GALNT13: variants seen among roughly 807,000 people sequenced by gnomAD.
The protein encoded by GALNT13 is polypeptide N-acetylgalactosaminyltransferase 13.
In GALNT13, 28 loss-of-function variants were observed where a neutral mutation model predicts 64.2. The observed-to-expected ratio is 0.44, with a 90% CI of 0.32 to 0.60. The LOEUF (loss-of-function observed/expected upper bound fraction) is 0.60. Ranked by LOEUF, GALNT13 falls within the 20% of genes least tolerant of loss-of-function variation. The pLI is 0.05. For missense variants in GALNT13, 577 were observed against 669.8 expected, an observed-to-expected ratio of 0.86 and a Z score of 1.53; for synonymous variants, 214 against 224.6, an observed-to-expected ratio of 0.95 and a Z score of 0.42.
chr2:153,345,707 T>G, the GALNT13 span, among the ~76,000 whole-genome samples: 6 of 93,900 alleles, frequency 6.4e-5, no homozygotes, highest in South Asian at 1.1e-3. Context: ...TTCTTTCTCT[T>G]TCTCTCTTTC....
intron 4 of GALNT13, among the ~76,000 whole-genome samples, chr2:154,148,092 C>G (rs899110366): frequency 1.3e-5 from 2 of 151,950 alleles, no homozygotes; most frequent in African/African-American, 4.8e-5. Context: ...CTCCCCACAA[C>G]AGTCCCCAGA....
intron 2 of GALNT13, among the ~76,000 whole-genome samples, chr2:153,912,068 A>G (rs1330716065): frequency 6.6e-6 from 1 of 152,062 alleles, no homozygotes; most frequent in East Asian, 1.9e-4. Flanking sequence ...CTCTTTATAT[A>G]ATCCCATATT....
At chr2:153,794,755 G>A in the GALNT13 span, among the ~76,000 whole-genome samples, 14 of 152,184 alleles carry the variant, frequency 9.2e-5, no homozygotes, top group African/African-American at 3.1e-4. Flanking sequence ...TCCTGACATC[G>A]TGATCCACCC....
the GALNT13 span, among the ~76,000 whole-genome samples, chr2:153,732,447 C>T: frequency 1.3e-5 from 2 of 151,950 alleles, no homozygotes; most frequent in Admixed American, 6.6e-5. Context: ...AGTTGATTCT[C>T]ATATGTGGTT....
chr2:154,288,167 C>T (rs1049855068), intron 8 of GALNT13, among the ~76,000 whole-genome samples: 5 of 152,092 alleles, frequency 3.3e-5, no homozygotes, highest in Admixed American at 2.6e-4. Context: ...CAGGAAAGAG[C>T]GCTTGTGTAG....
the GALNT13 span, among the ~76,000 whole-genome samples, chr2:153,856,392 A>G: frequency 6.6e-6 from 1 of 152,152 alleles, no homozygotes; most frequent in African/African-American, 2.4e-5. Flanking sequence ...TATTTTTAAC[A>G]CACGTGATCA....
At chr2:153,359,938 T>G in the GALNT13 span, among the ~76,000 whole-genome samples, 1 of 152,108 alleles carries the variant, frequency 6.6e-6, no homozygotes, top group Non-Finnish European at 1.5e-5. Context: ...AAAGCCTCGT[T>G]ATAGGTTCAC....
At chr2:153,878,902 T>C (rs1211235278) in intron 1 of GALNT13, among the ~76,000 whole-genome samples, 1 of 152,198 alleles carries the variant, frequency 6.6e-6, no homozygotes, top group Non-Finnish European at 1.5e-5. Flanking sequence ...TGTGGCTAAA[T>C]TGACCTAAGA....
the GALNT13 span, among the ~76,000 whole-genome samples, chr2:153,404,578 G>C: frequency 6.6e-6 from 1 of 151,572 alleles, no homozygotes. Flanking sequence ...CTATTATTAA[G>C]TAAAATTAAG....
At chr2:153,150,157 G>T in the GALNT13 span, among the ~76,000 whole-genome samples, 1 of 151,888 alleles carries the variant, frequency 6.6e-6, no homozygotes, top group Non-Finnish European at 1.5e-5. Flanking sequence ...AAGTCCTGAT[G>T]TACTATATTA....
At chr2:153,608,830 A>G in the GALNT13 span, among the ~76,000 whole-genome samples, 1 of 147,706 alleles carries the variant, frequency 6.8e-6, no homozygotes, top group Admixed American at 6.8e-5. Flanking sequence ...CTAAAGAATA[A>G]ATATATATTA....
intron 8 of GALNT13, among the ~76,000 whole-genome samples, chr2:154,299,075 T>G (rs1207569598): frequency 6.8e-6 from 1 of 148,146 alleles, no homozygotes; most frequent in Non-Finnish European, 1.5e-5. Context: ...AATATATATT[T>G]TATATTATTT....
chr2:153,127,472 G>A, the GALNT13 span, among the ~76,000 whole-genome samples: 13 of 152,010 alleles, frequency 8.6e-5, no homozygotes, highest in Admixed American at 2.6e-4. Flanking sequence ...CTTCCCCTCC[G>A]CACTTCTCCC....
At chr2:153,764,611 C>A in the GALNT13 span, among the ~76,000 whole-genome samples, 1 of 152,178 alleles carries the variant, frequency 6.6e-6, no homozygotes, top group African/African-American at 2.4e-5. Context: ...AAGAAAACCC[C>A]ATTTTCAGGG....
At chr2:153,794,877 AT>A in the GALNT13 span, among the ~76,000 whole-genome samples, 80 of 152,292 alleles carry the variant, frequency 5.3e-4, no homozygotes, top group Non-Finnish European at 7.5e-4. Context: ...AATAAAACAA[AT>A]TTAAGCAATG....
the GALNT13 span, among the ~76,000 whole-genome samples, chr2:153,378,324 T>A: frequency 6.6e-6 from 1 of 151,972 alleles, no homozygotes; most frequent in Non-Finnish European, 1.5e-5. Flanking sequence ...TTTTTTTTTT[T>A]AGTAAATGCT....
At chr2:154,217,281 G>A (rs552536882) in intron 4 of GALNT13, among the ~76,000 whole-genome samples, 2 of 151,932 alleles carry the variant, frequency 1.3e-5, no homozygotes, top group African/African-American at 4.8e-5. Context: ...TCATTATTTT[G>A]TATATAATTC....
chr2:153,508,495 G>A, the GALNT13 span, among the ~76,000 whole-genome samples: 1 of 152,064 alleles, frequency 6.6e-6, no homozygotes, highest in Admixed American at 6.6e-5. Context: ...GGGAAGTGGG[G>A]GAAAGCAGGC....
At chr2:153,569,526 T>TA in the GALNT13 span, among the ~76,000 whole-genome samples, 107,599 of 149,046 alleles carry the variant, frequency 0.72, 39,805 homozygotes, top group Admixed American at 0.82. Context: ...CTTTTTTTTT[T>TA]AAAAAAAATC....
Sources: allele counts gnomAD v4.1 joint callset (sites outside exome capture counted in the v4.1 genomes callset), GRCh38; gene constraint gnomAD v4.1.1; transcripts MANE v1.5; gene names NCBI Gene and HGNC (gene_info 2026-07-23, HGNC 2026-07-21).